The following LPAR3 variants were observed in gnomAD, a reference collection of about 807,000 sequenced individuals.
LPAR3 encodes the protein LPA receptor 3.
In LPAR3, 7 loss-of-function variants were observed where a neutral mutation model predicts 17.8. That is an observed-to-expected ratio of 0.39 (90% CI 0.22 to 0.74). LPAR3 has a LOEUF of 0.74. Ranked by LOEUF, LPAR3 falls within the 30% of genes least tolerant of loss-of-function variation. The pLI, the probability that LPAR3 is intolerant of heterozygous loss-of-function variation, is 0.40. For synonymous variants in LPAR3, 179 were observed against 179.9 expected, an observed-to-expected ratio of 0.99 and a Z score of 0.04; for missense variants, 391 against 453.4, an observed-to-expected ratio of 0.86 and a Z score of 1.25.
intron 1 of LPAR3, among the ~76,000 whole-genome samples, chr1:84,871,511 A>G (rs1437790589): frequency 6.6e-6 from 1 of 152,116 alleles, no homozygotes; most frequent in Non-Finnish European, 1.5e-5. Flanking sequence ...ATGGTACATC[A>G]AAGACATGGT....
At chr1:84,892,332 TCA>T (rs1337311457) in intron 1 of LPAR3, among the ~76,000 whole-genome samples, 1 of 152,212 alleles carries the variant, frequency 6.6e-6, no homozygotes, top group Non-Finnish European at 1.5e-5. Context: ...TTTCCAATAT[TCA>T]CAGTCACTCC....
chr1:84,856,554 TTCTC>T (rs967657690), intron 2 of LPAR3, among the ~76,000 whole-genome samples: 3 of 152,054 alleles, frequency 2.0e-5, no homozygotes, highest in Non-Finnish European at 4.4e-5. Flanking sequence ...TACTTTTTTT[TTCTC>T]TCTCTCTCTT....
chr1:84,888,021 T>C (rs148472415), intron 1 of LPAR3, among the ~76,000 whole-genome samples: 1,566 of 152,116 alleles, frequency 0.01, 13 homozygotes, highest in South Asian at 0.018. Context: ...GCTGGTTATA[T>C]AGGAGGACAG....
intron 2 of LPAR3, among the ~76,000 whole-genome samples, chr1:84,846,285 T>C (rs145294745): frequency 6.6e-6 from 1 of 152,332 alleles, no homozygotes; most frequent in Non-Finnish European, 1.5e-5. Flanking sequence ...TTAGAAATGC[T>C]CTAATTTGTG....
chr1:84,814,185 A>C lies in LPAR3; in HGVS notation c.737-14T>G. The C allele has an allele frequency of 6.2e-7, 1 of 1,609,028 alleles. No homozygotes were observed. Among genetic ancestry groups the C allele is most frequent in the East Asian group, 2.2e-5 (1 of 44,824 alleles). On this transcript the variant is annotated splice_polypyrimidine_tract_variant and intron_variant, in intron 2 of 2. Transcript: ENST00000370611. ...CCACAAACGCCCCTGCAAGGAGAGA[A>C]GAGGAGGCAACAGATGCTCAGACCT...
At chr1:84,849,034 C>T (rs1659647839) in intron 2 of LPAR3, among the ~76,000 whole-genome samples, 1 of 152,136 alleles carries the variant, frequency 6.6e-6, no homozygotes, top group African/African-American at 2.4e-5. Flanking sequence ...TGGAACATAT[C>T]CTGGGGAGGA....
chr1:84,814,129 A>G lies in LPAR3; in HGVS notation c.779T>C (p.Leu260Pro), dbSNP rs749009210. 2.5e-6 allele frequency: 4 copies of G among 1,614,092 alleles called. No individual in the cohort carries two copies. The highest frequency in any genetic ancestry group is 3.4e-6 in the Non-Finnish European group (4 of 1,180,012). Residue 260 changes from leucine (L) to proline (P), a missense_variant, in exon 3 of 3, where the codon CTC becomes CCC. Coordinates refer to ENST00000370611, the MANE Select transcript of LPAR3 (RefSeq NM_012152.3). ...CTGCCTGCAGTTCAGGCCGTCGAGG[A>G]GCAGAACCACCAGGCCCGGGGTCCA... ...VCWTPGLVVL[L>P]LDGLNCRQCG...
chr1:84,826,103 G>T (rs1659149160), intron 2 of LPAR3, among the ~76,000 whole-genome samples: 1 of 151,658 alleles, frequency 6.6e-6, no homozygotes, highest in African/African-American at 2.4e-5. Context: ...CACTACTCTA[G>T]AGCTCGAGTT....
intron 1 of LPAR3, among the ~76,000 whole-genome samples, chr1:84,891,189 T>C (rs1325712921): frequency 2.0e-5 from 3 of 149,414 alleles, no homozygotes; most frequent in Non-Finnish European, 3.0e-5. Context: ...AGTTGATAAA[T>C]GCAATTGAAA....
chr1:84,882,242 G>A (rs1660379442), intron 1 of LPAR3, among the ~76,000 whole-genome samples: 1 of 152,050 alleles, frequency 6.6e-6, no homozygotes, highest in Admixed American at 6.6e-5. Flanking sequence ...ATTCACAATA[G>A]TATTAAAAAG....
intron 1 of LPAR3, among the ~76,000 whole-genome samples, chr1:84,872,961 C>A (rs1660183518): frequency 6.6e-6 from 1 of 152,128 alleles, no homozygotes; most frequent in African/African-American, 2.4e-5. Context: ...CTCCCAAAAA[C>A]CCATAACCCC....
At chr1:84,832,270 C>G (rs1399968351) in intron 2 of LPAR3, among the ~76,000 whole-genome samples, 1 of 152,172 alleles carries the variant, frequency 6.6e-6, no homozygotes, top group Non-Finnish European at 1.5e-5. Context: ...TTCTAATGTG[C>G]ATTTTCTTGT....
rs980802824 is a variant in LPAR3 at position 84,812,816 on chromosome 1, G to A, written c.*1030C>T. The A allele has an allele frequency of 4.0e-5, 6 of 151,882 alleles. No homozygotes were observed. Among genetic ancestry groups the A allele is most frequent in the Admixed American group, 6.6e-5 (1 of 15,234 alleles). The allele number at this position is 151,882 out of a possible 1,614,324, so 9.4% of individuals were successfully genotyped here. On this transcript the variant is annotated 3_prime_UTR_variant, in exon 3 of 3. Transcript: ENST00000370611. ...GGTTTTCTCTACCTGCTCCTTAAAC[G>A]TTGGTGTTCTCTTGGCTTCTTTTGC...
In LPAR3 at chr1:84,888,151, TACAC is replaced by T. The variant is rs757810280; in HGVS notation, c.-19+4861_-19+4864del. 6.5e-3 allele frequency among the ~76,000 whole-genome samples: 589 copies of T among 91,048 alleles called. 6 individuals are homozygous for T. Among genetic ancestry groups the T allele is most frequent in the Admixed American group, 0.061 (482 of 7,880 alleles). 59.7% of individuals were successfully genotyped at this position (91,048 alleles called of 152,430 possible). A position where few individuals can be genotyped will look rare whatever the true frequency, so the allele number is the denominator to read the frequency against. On this transcript the variant is annotated intron_variant, in intron 1 of 2. Transcript: ENST00000370611. Reference sequence around the variant, plus strand: ...TTTTATATATATATATATACATACATACACACACACACACACACACACACACACA... The same window carrying T: ...TTTTATATATATATATATACATACATACACACACACACACACACACACACA...
chr1:84,866,147 A>C lies in LPAR3; in HGVS notation c.-18-9T>G, dbSNP rs1309504792. The C allele has an allele frequency of 6.5e-7, 1 of 1,534,194 alleles. No individual in the cohort carries two copies. Among genetic ancestry groups the C allele is most frequent in the Non-Finnish European group, 8.8e-7 (1 of 1,141,326 alleles). ...GTGGAGAAGTGAACATCCTAGAAAG[A>C]AATTTAAAGAAGAAACAAATATCAT... is the stretch of plus-strand genomic sequence containing the variant. On this transcript the variant is annotated splice_polypyrimidine_tract_variant and intron_variant, in intron 1 of 2. Transcript: ENST00000370611.
At chr1:84,862,634 T>C (rs1304860891) in intron 2 of LPAR3, among the ~76,000 whole-genome samples, 3 of 152,234 alleles carry the variant, frequency 2.0e-5, no homozygotes, top group Non-Finnish European at 4.4e-5. Context: ...ATTTTAACAA[T>C]CACACTCTGT....
intron 1 of LPAR3, among the ~76,000 whole-genome samples, chr1:84,877,088 A>G (rs953942825): frequency 2.0e-5 from 3 of 152,194 alleles, no homozygotes; most frequent in African/African-American, 7.2e-5. Flanking sequence ...AATTTCATAC[A>G]TGATATGGAT....
chr1:84,849,831 C>A (rs1258365269), intron 2 of LPAR3, among the ~76,000 whole-genome samples: 1 of 152,178 alleles, frequency 6.6e-6, no homozygotes, highest in East Asian at 1.9e-4. Context: ...AACCCTCTAA[C>A]CCTCATGATC....
rs554354781 is a variant in LPAR3, at chr1:84,817,573, C to A, written c.737-3402G>T. The stretch of plus-strand genomic sequence containing the variant: ...ACTGCCGGGGAGCATCTGCTTAAGG[C>A]AACATCTCTGAAGTACCTGTTCTCT... On this transcript the variant is annotated intron_variant, in intron 2 of 2. Coordinates refer to ENST00000370611, the MANE Select transcript of LPAR3 (RefSeq NM_012152.3). 2.0e-5 allele frequency among the ~76,000 whole-genome samples: 3 copies of A among 152,296 alleles called. No individual in the cohort carries two copies. In the South Asian group the frequency reaches 6.2e-4, roughly 32 times the overall value.
Sources: allele counts gnomAD v4.1 joint callset (sites outside exome capture counted in the v4.1 genomes callset), GRCh38; gene constraint gnomAD v4.1.1; transcripts MANE v1.5; gene names NCBI Gene and HGNC (gene_info 2026-07-23, HGNC 2026-07-21).